Variants in CENPE observed in about 807,000 individuals in gnomAD.
CENPE encodes the protein centromere protein E, also known as centromere-associated protein E.
Under a neutral mutation model 336.1 loss-of-function variants are expected in CENPE, and 145 were observed. The observed-to-expected ratio is 0.43, with a 90% CI of 0.38 to 0.50. CENPE has a LOEUF of 0.50. Ranked by LOEUF, CENPE falls within the 20% of genes least tolerant of loss-of-function variation. CENPE has a pLI of 0.00. For synonymous variants in CENPE, 1,013 were observed against 984.8 expected (o/e 1.03, Z -0.54); for missense variants, 2,719 against 3,023.3 (o/e 0.90, Z 2.36).
intron 26 of CENPE, among the ~76,000 whole-genome samples, chr4:103,149,672 A>G (rs1294450760): frequency 6.6e-6 from 1 of 152,210 alleles, no homozygotes; most frequent in Non-Finnish European, 1.5e-5. Flanking sequence ...ACGTGATCCT[A>G]CTGGAGTAGG....
Position 103,165,018 on chromosome 4 carries a change from A to T in CENPE, c.1648-1465T>A, listed in dbSNP as rs72665075. Among the ~76,000 whole-genome samples the T allele has an allele frequency of 4.1e-3, 631 of 152,252 alleles. 1 individual carries two copies. The highest frequency in any genetic ancestry group is 7.9e-3 in the Admixed American group (121 of 15,284). On this transcript the variant is annotated intron_variant, in intron 16 of 48. Coordinates refer to ENST00000265148, the MANE Select transcript of CENPE (RefSeq NM_001813.3). ...TAAAGAATACTAATTTAGAAAAGAA[A>T]ATTTTCCTACTTCTTATTTGAAATA...
At position 103,163,608 on chromosome 4, in the gene CENPE, C is replaced by CAAAAA. The variant is rs11315612; in HGVS notation, c.1648-60_1648-56dup. On this transcript the variant is annotated intron_variant, in intron 16 of 48. Coordinates refer to ENST00000265148, the MANE Select transcript of CENPE (RefSeq NM_001813.3). ...CAAACCAATAGTTAATAAAGCAAAGCAAAAAAAAAAAAAAAAAGAAAAAGA... is the reference window on the plus strand; with the variant it reads ...CAAACCAATAGTTAATAAAGCAAAGCAAAAAAAAAAAAAAAAAAAAAAGAAAAAGA... The CAAAAA allele has an allele frequency of 4.3e-4, 132 of 304,158 alleles. 1 individual carries two copies. Among genetic ancestry groups the CAAAAA allele is most frequent in the African/African-American group, 1.2e-3 (40 of 32,456 alleles). The allele number at this position is 304,158 out of a possible 1,614,324, so 18.8% of individuals were successfully genotyped here. A position where few individuals can be genotyped will look rare whatever the true frequency, so the allele number is the denominator to read the frequency against.
intron 42 of CENPE, among the ~76,000 whole-genome samples, chr4:103,131,710 C>T (rs1385429014): frequency 1.3e-5 from 2 of 152,120 alleles, no homozygotes; most frequent in East Asian, 3.8e-4. Context: ...CCAAAATATC[C>T]TTTGGTAGGT....
chr4:103,109,468 C>T (rs1749198521), intron 47 of CENPE, among the ~76,000 whole-genome samples: 1 of 152,052 alleles, frequency 6.6e-6, no homozygotes, highest in African/African-American at 2.4e-5. Context: ...CTTTGATGTA[C>T]CTTTCTTACT....
At chr4:103,113,441 A>G (rs2720450) in intron 46 of CENPE, among the ~76,000 whole-genome samples, 22,167 of 139,078 alleles carry the variant, frequency 0.16, 2,109 homozygotes, top group Non-Finnish European at 0.2. Context: ...ACTTATATAT[A>G]TTACTTACAT....
chr4:103,119,589 C>T (rs1750430101), intron 44 of CENPE, among the ~76,000 whole-genome samples: 1 of 152,120 alleles, frequency 6.6e-6, no homozygotes, highest in Non-Finnish European at 1.5e-5. Flanking sequence ...TGGAGCAGAA[C>T]AGCAAATTTA....
chr4:103,144,268 G>T, intron 33 of CENPE, 63 bp downstream of exon 33: 2 of 1,414,562 alleles, frequency 1.4e-6, no homozygotes, highest in Non-Finnish European at 9.6e-7. Context: ...CAACCCTATG[G>T]CAGATTTTTC....
intron 16 of CENPE, among the ~76,000 whole-genome samples, chr4:103,167,133 T>C (rs1054046345): frequency 6.6e-6 from 1 of 152,182 alleles, no homozygotes; most frequent in Non-Finnish European, 1.5e-5. Context: ...TTCTAATGTT[T>C]TAATTATTTA....
At chr4:103,169,038 G>A (rs895323782) in intron 16 of CENPE, among the ~76,000 whole-genome samples, 3 of 152,054 alleles carry the variant, frequency 2.0e-5, no homozygotes, top group Non-Finnish European at 4.4e-5. Flanking sequence ...TATTTTAAGC[G>A]AGCTCAGCAA....
intron 13 of CENPE, 144 bp downstream of exon 13, chr4:103,180,167 T>G (rs553456127): frequency 1.7e-6 from 1 of 574,010 alleles, no homozygotes; most frequent in African/African-American, 1.9e-5. Flanking sequence ...ATGAATCTCT[T>G]AGGTACTATG....
chr4:103,160,972 TAAAA>T (rs1754392496), intron 20 of CENPE, 110 bp downstream of exon 20: 1 of 1,036,668 alleles, frequency 9.6e-7, no homozygotes, highest in East Asian at 2.6e-5. Context: ...ATTGAGTTTT[TAAAA>T]AGTCAGAGTA....
chr4:103,150,946 G>A (rs1448513429), intron 26 of CENPE, among the ~76,000 whole-genome samples: 1 of 152,166 alleles, frequency 6.6e-6, no homozygotes, highest in African/African-American at 2.4e-5. Flanking sequence ...CCATGACAGT[G>A]CTCAATAAAT....
rs1428586353 is a variant in CENPE at position 103,120,346 on chromosome 4, G to A, written c.7144-13C>T. On this transcript the variant is annotated splice_polypyrimidine_tract_variant and intron_variant, in intron 43 of 48. Transcript: ENST00000265148. ...GCTCTCGAATTTTCTATTAGAAAAAGCACACATTCATAAGCTCTATCATCA... is the reference window on the plus strand; with the variant it reads ...GCTCTCGAATTTTCTATTAGAAAAAACACACATTCATAAGCTCTATCATCA... The A allele has an allele frequency of 1.2e-6, 2 of 1,600,274 alleles. No homozygotes were observed. Among genetic ancestry groups the A allele is most frequent in the East Asian group, 4.5e-5 (2 of 44,612 alleles).
chr4:103,197,458 C>T (rs943943641), intron 1 of CENPE, among the ~76,000 whole-genome samples: 6 of 152,214 alleles, frequency 3.9e-5, no homozygotes, highest in African/African-American at 1.4e-4. Flanking sequence ...TAACACTTGT[C>T]AAAAGGTATC....
intron 46 of CENPE, among the ~76,000 whole-genome samples, chr4:103,114,053 T>C (rs566256213): frequency 3.3e-5 from 5 of 152,212 alleles, no homozygotes; most frequent in African/African-American, 1.2e-4. Context: ...AACAGAATAG[T>C]ATTTATTTTT....
chr4:103,108,310 C>A (rs1749077279), intron 48 of CENPE, among the ~76,000 whole-genome samples: 1 of 151,068 alleles, frequency 6.6e-6, no homozygotes, highest in Non-Finnish European at 1.5e-5. Flanking sequence ...TCTATGAAGG[C>A]AGGGATCATG....
intron 31 of CENPE, 30 bp downstream of exon 31, chr4:103,145,493 C>T: frequency 1.3e-6 from 2 of 1,574,184 alleles, no homozygotes; most frequent in Non-Finnish European, 1.7e-6. Flanking sequence ...CCACCCATTT[C>T]CTCCCACTGT....
In CENPE at chr4:103,114,509, T is replaced by C; in HGVS notation, c.7486A>G (p.Ile2496Val). The change falls in exon 46 of 49, where the codon ATA becomes GTA. Residue 2496 changes from isoleucine to valine, a missense_variant. This residue lies in a region of CENPE where 2,437 missense variants were observed against 2,513.3 expected (regional missense o/e 0.97). Coordinates refer to ENST00000265148, the MANE Select transcript of CENPE (RefSeq NM_001813.3). Reference protein sequence around the residue: ...KATVEYQKEVIRLLRENLRRS... With the variant: ...KATVEYQKEVVRLLRENLRRS... ...CTGAGATTTTCTCTCAATAGCCTTA[T>C]AACTTCCTTTTGATATTCTACAGTG... 4 of 1,611,770 alleles carry C rather than the reference T, an allele frequency of 2.5e-6. No homozygotes were observed. Among genetic ancestry groups the C allele is most frequent in the South Asian group, 1.1e-5 (1 of 91,060 alleles).
At position 103,116,604 on chromosome 4, in the gene CENPE, AT is replaced by A; in HGVS notation, c.7414del (p.Met2472Ter). ...CTTTTCAAATTCTTTGGCATTTTTCATTTTCTCTAGGTCTATTTTCACAAGC... is the reference window on the plus strand; with the variant it reads ...CTTTTCAAATTCTTTGGCATTTTTCATTTCTCTAGGTCTATTTTCACAAGC... The part of the protein sequence containing the change: ...MKLVKIDLEK[M>X]KNAKEFEKEI... On this transcript the variant is annotated frameshift_variant, in exon 45 of 49. Coordinates refer to ENST00000265148, the MANE Select transcript of CENPE (RefSeq NM_001813.3). LOFTEE classifies it high-confidence loss of function. The A allele has an allele frequency of 6.4e-7, 1 of 1,571,668 alleles. No homozygotes were observed. Among genetic ancestry groups the A allele is most frequent in the Non-Finnish European group, 8.6e-7 (1 of 1,159,382 alleles).
Sources: gnomAD v4.1 joint callset for allele counts (sites outside exome capture counted in the v4.1 genomes callset) on GRCh38, gnomAD v4.1.1 for gene constraint, gnomAD v4.1.1 regional missense constraint, MANE v1.5 for transcripts, NCBI Gene and HGNC (gene_info 2026-07-23, HGNC 2026-07-21) for gene names.